Variants in PAQR3 observed in about 807,000 individuals in gnomAD.
PAQR3 encodes the protein Raf kinase trapping to Golgi.
A neutral mutation model predicts 41.7 loss-of-function variants in PAQR3; 39 were observed. That is an observed-to-expected ratio of 0.93 (90% CI 0.72 to 1.22). PAQR3 has a LOEUF of 1.22. PAQR3 is among the 50% of genes most tolerant of loss of function. The probability of loss-of-function intolerance (pLI) is 0.00; values close to 1 mark genes in which losing one functional copy is unlikely to be tolerated. For synonymous variants in PAQR3, 140 were observed against 140.6 expected (o/e 1.00, Z 0.03); for missense variants, 366 against 385.6 (o/e 0.95, Z 0.42).
rs149595344 is a variant in PAQR3, at chr4:78,912,053, G to A, written c.*8486C>T. On this transcript the variant is annotated 3_prime_UTR_variant, in exon 6 of 6. Coordinates refer to ENST00000512733, the MANE Select transcript of PAQR3 (RefSeq NM_001040202.2). ...CAGTAGATACTTCTGATGGATTCTC[G>A]GCATTAACTCCTGTTTCAAAAAAGT... is the stretch of plus-strand genomic sequence containing the variant. The A allele has an allele frequency of 4.4e-5, 68 of 1,559,088 alleles. No individual in the cohort carries two copies. In the East Asian group the frequency reaches 1.2e-3, roughly 28 times the overall value.
chr4:78,904,237 A>G (rs961441476), intron 11 of PAQR3, among the ~76,000 whole-genome samples: 71 of 152,052 alleles, frequency 4.7e-4, no homozygotes, highest in Non-Finnish European at 8.8e-4. Flanking sequence ...TGAAGAGAAA[A>G]AAGTTCTAAG....
chr4:78,928,501 C>A (rs1736484208), intron 3 of PAQR3, among the ~76,000 whole-genome samples: 1 of 152,186 alleles, frequency 6.6e-6, no homozygotes, highest in Non-Finnish European at 1.5e-5. Flanking sequence ...TTTTTCTCTT[C>A]ACTAATTTTC....
At chr4:78,908,192 A>C (rs1734382765), downstream of PAQR3, among the ~76,000 whole-genome samples, 1 of 152,174 alleles carries the variant, frequency 6.6e-6, no homozygotes, top group African/African-American at 2.4e-5. Context: ...ATTAAGTATA[A>C]CCTGGTGGTA....
In PAQR3 at chr4:78,918,076, T is replaced by C. The variant is rs902877835; in HGVS notation, c.*2463A>G. On this transcript the variant is annotated 3_prime_UTR_variant, in exon 6 of 6. Transcript: ENST00000512733. ...GGCTTAATATAGAAAGATAATTGTTTCTTAAATGAGTTAACCACAACCATA... is the reference window on the plus strand; with the variant it reads ...GGCTTAATATAGAAAGATAATTGTTCCTTAAATGAGTTAACCACAACCATA... The C allele has an allele frequency of 7.2e-6, 7 of 977,756 alleles. No individual in the cohort carries two copies. The African/African-American group carries it at 1.2e-4, about 17-fold the overall frequency. 60.6% of individuals were successfully genotyped at this position (977,756 alleles called of 1,614,324 possible). A position where few individuals can be genotyped will look rare whatever the true frequency, so the allele number is the denominator to read the frequency against.
intron 11 of PAQR3, among the ~76,000 whole-genome samples, chr4:78,902,286 A>G (rs1246498727): frequency 1.3e-5 from 2 of 152,160 alleles, no homozygotes; most frequent in Non-Finnish European, 2.9e-5. Context: ...GCATTAACCT[A>G]TTTTAAAGAA....
intron 3 of PAQR3, among the ~76,000 whole-genome samples, chr4:78,927,715 C>T (rs1172840034): frequency 6.6e-6 from 1 of 152,172 alleles, no homozygotes; most frequent in Non-Finnish European, 1.5e-5. Flanking sequence ...ACACACTTCG[C>T]TTAGGTTTGA....
chr4:78,924,043 C>G (rs1234897456), intron 4 of PAQR3, 96 bp from the exon 5 acceptor site: 5 of 971,532 alleles, frequency 5.1e-6, no homozygotes, highest in Non-Finnish European at 6.4e-6. Context: ...ATTGTTAAAT[C>G]TGAACTGTTT....
chr4:78,911,187 C>T, downstream of PAQR3: 1 of 1,613,752 alleles, frequency 6.2e-7, no homozygotes, highest in Non-Finnish European at 8.5e-7. Context: ...AAAAGAACCT[C>T]CCTCAACACA....
At chr4:78,930,542 T>C in intron 2 of PAQR3, 1 of 356,310 alleles carries the variant, frequency 2.8e-6, no homozygotes, top group Non-Finnish European at 5.0e-6. Context: ...ATGGGTAAAA[T>C]GTAGATAATA....
intron 3 of PAQR3, among the ~76,000 whole-genome samples, chr4:78,929,036 C>T (rs986347372): frequency 1.3e-5 from 2 of 152,190 alleles, no homozygotes; most frequent in East Asian, 1.9e-4. Context: ...GGTGGTAACG[C>T]GAGCCATGGG....
chr4:78,934,118 A>G (rs1355253371), intron 2 of PAQR3, among the ~76,000 whole-genome samples: 3 of 152,256 alleles, frequency 2.0e-5, no homozygotes, highest in Admixed American at 6.5e-5. Flanking sequence ...ATTTGAAGGA[A>G]AAATAATTTT....
At chr4:78,910,662 T>G, downstream of PAQR3, 3 of 1,590,212 alleles carry the variant, frequency 1.9e-6, no homozygotes, top group Non-Finnish European at 2.6e-6. Context: ...AAAATGGCAC[T>G]GCAAACCCTA....
Position 78,915,069 on chromosome 4 carries a change from T to G in PAQR3, c.*5470A>C, listed in dbSNP as rs1258109642. The stretch of plus-strand genomic sequence containing the variant: ...GTATAATAGGTGGAGGAGGAAAGGT[T>G]GTAGGCCGGATGAAAATTTAACTGA... On this transcript the variant is annotated 3_prime_UTR_variant, in exon 6 of 6. Coordinates refer to ENST00000512733, the MANE Select transcript of PAQR3 (RefSeq NM_001040202.2). The G allele has an allele frequency of 6.6e-6, 1 of 151,968 alleles. No homozygotes were observed. Among genetic ancestry groups the G allele is most frequent in the East Asian group, 1.9e-4 (1 of 5,200 alleles). 9.4% of individuals were successfully genotyped at this position (151,968 alleles called of 1,614,324 possible). A position where few individuals can be genotyped will look rare whatever the true frequency, so the allele number is the denominator to read the frequency against.
At chr4:78,911,227 G>A, downstream of PAQR3, 1 of 1,613,962 alleles carries the variant, frequency 6.2e-7, no homozygotes. Context: ...GGAGCAGGAG[G>A]AATTTGATGT....
chr4:78,918,060 T>C lies in PAQR3; in HGVS notation c.*2479A>G, dbSNP rs770049005. Reference sequence around the variant, plus strand: ...CTTGCTATTTGAAAATGGCTTAATATAGAAAGATAATTGTTTCTTAAATGA... The same window carrying C: ...CTTGCTATTTGAAAATGGCTTAATACAGAAAGATAATTGTTTCTTAAATGA... On this transcript the variant is annotated 3_prime_UTR_variant, in exon 6 of 6. Coordinates refer to ENST00000512733, the MANE Select transcript of PAQR3 (RefSeq NM_001040202.2). The C allele has an allele frequency of 5.1e-6, 5 of 979,086 alleles. No individual in the cohort carries two copies. The African/African-American group carries it at 5.3e-5, about 10-fold the overall frequency. 60.6% of individuals were successfully genotyped at this position (979,086 alleles called of 1,614,324 possible). A position where few individuals can be genotyped will look rare whatever the true frequency, so the allele number is the denominator to read the frequency against.
intron 2 of PAQR3, chr4:78,933,039 C>T (rs1347532679): frequency 7.7e-6 from 3 of 390,564 alleles, no homozygotes; most frequent in Non-Finnish European, 1.5e-5. Flanking sequence ...CCTTATCTTT[C>T]TCCATTCTCC....
At chr4:78,901,002 G>A (rs1011932077) in intron 11 of PAQR3, among the ~76,000 whole-genome samples, 3 of 152,080 alleles carry the variant, frequency 2.0e-5, no homozygotes, top group Non-Finnish European at 4.4e-5. Context: ...AAAAATCTTA[G>A]TTCTATCACA....
intron 1 of PAQR3, 41 bp from the exon 2 acceptor site, chr4:78,935,324 C>T (rs1325897892): frequency 5.1e-6 from 8 of 1,575,206 alleles, no homozygotes; most frequent in Middle Eastern, 1.7e-4. Context: ...TCACATTGGC[C>T]AACTTACTGT....
chr4:78,903,059 G>A (rs1734093929), intron 11 of PAQR3, among the ~76,000 whole-genome samples: 2 of 151,946 alleles, frequency 1.3e-5, no homozygotes, highest in Non-Finnish European at 2.9e-5. Flanking sequence ...TGTTTGGACT[G>A]TGCAAGGCTA....
Sources: gnomAD v4.1 joint callset for allele counts (sites outside exome capture counted in the v4.1 genomes callset) on GRCh38, gnomAD v4.1.1 for gene constraint, MANE v1.5 for transcripts, NCBI Gene and HGNC (gene_info 2026-07-23, HGNC 2026-07-21) for gene names.